The following RYR3 variants were observed in gnomAD, a reference collection of about 807,000 sequenced individuals.
RYR3 encodes brain ryanodine receptor-calcium release channel.
A neutral mutation model predicts 584.3 loss-of-function variants in RYR3; 207 were observed. The ratio of observed to expected loss-of-function variants is 0.35; its 90% CI spans 0.32 to 0.40. The LOEUF is 0.40. Ranked by LOEUF, RYR3 falls within the 10% of genes least tolerant of loss-of-function variation. The pLI, the probability that RYR3 is intolerant of heterozygous loss-of-function variation, is 1.00. For missense variants in RYR3, 5,616 were observed against 6,089.2 expected, an observed-to-expected ratio of 0.92 and a Z score of 2.59; for synonymous variants, 2,416 against 2,248.5, an observed-to-expected ratio of 1.07 and a Z score of -2.11.
At chr15:33,572,688 C>CACACACACAT (rs368204203) in intron 12 of RYR3, among the ~76,000 whole-genome samples, 5,495 of 130,940 alleles carry the variant, frequency 0.042, 191 homozygotes, top group African/African-American at 0.081. Context: ...CACACACACA[C>CACACACACAT]ACTGGGCTGG....
Position 33,539,474 on chromosome 15 carries a change from A to G in RYR3, c.546+12A>G. 6.7e-7 allele frequency: 1 copy of G among 1,499,470 alleles called. No homozygotes were observed. Among genetic ancestry groups the G allele is most frequent in the Non-Finnish European group, 9.2e-7 (1 of 1,090,820 alleles). The allele number at this position is 1,499,470 out of a possible 1,614,324, so 92.9% of individuals were successfully genotyped here. The stretch of plus-strand genomic sequence containing the variant: ...CTGAAAGATACCTTGTAAGTACCTC[A>G]TAATATAAGAGTCTTCTGTTTTCAG... On this transcript the variant is annotated intron_variant, in intron 6 of 103. Transcript: ENST00000634891.
At chr15:33,789,654 A>ATT (rs2075003968) in intron 67 of RYR3, among the ~76,000 whole-genome samples, 1 of 22,540 alleles carries the variant, frequency 4.4e-5, no homozygotes, top group African/African-American at 1.7e-4. Flanking sequence ...ATATATATAT[A>ATT]TATATTTTTT....
intron 3 of RYR3, among the ~76,000 whole-genome samples, chr15:33,510,278 C>G (rs1204755032): frequency 2.0e-5 from 3 of 152,152 alleles, no homozygotes; most frequent in Non-Finnish European, 4.4e-5. Context: ...CTTTAGGTTC[C>G]CCACCTCTAC....
intron 3 of RYR3, among the ~76,000 whole-genome samples, chr15:33,506,492 C>T (rs1174181638): frequency 6.6e-6 from 1 of 151,978 alleles, no homozygotes; most frequent in Non-Finnish European, 1.5e-5. Flanking sequence ...TCTATTTTTG[C>T]CAAAGAGAAG....
rs2278310 is a variant in RYR3 at position 33,750,094 on chromosome 15, G to A, written c.8275+40G>A. ...CAGCATCCCCTAAAGAAGCTGAACCGGGGCAGCTATGGTCTCCCAGAAGTG... is the reference window on the plus strand; with the variant it reads ...CAGCATCCCCTAAAGAAGCTGAACCAGGGCAGCTATGGTCTCCCAGAAGTG... On this transcript the variant is annotated intron_variant, in intron 56 of 103. Transcript: ENST00000634891. 23,513 of 1,607,192 alleles carry A rather than the reference G, an allele frequency of 0.015. 1,505 individuals carry two copies. The East Asian group carries it at 0.21, about 15-fold the overall frequency.
intron 1 of RYR3, among the ~76,000 whole-genome samples, chr15:33,374,404 A>T (rs2040574150): frequency 6.7e-6 from 1 of 148,368 alleles, no homozygotes; most frequent in Non-Finnish European, 1.5e-5. Context: ...GTGTGTATAT[A>T]TATCTCCACC....
chr15:33,853,543 C>A lies in RYR3; in HGVS notation c.13672-12C>A. On this transcript the variant is annotated splice_polypyrimidine_tract_variant and intron_variant, in intron 95 of 103. Coordinates refer to ENST00000634891, the MANE Select transcript of RYR3 (RefSeq NM_001036.6). ...GTGTGGCCTGAGCTCACCCTGTCATCCTTTGCTTCAGGTGATCAACAAGTA... is the reference window on the plus strand; with the variant it reads ...GTGTGGCCTGAGCTCACCCTGTCATACTTTGCTTCAGGTGATCAACAAGTA... The A allele has an allele frequency of 1.2e-6, 2 of 1,612,760 alleles. No individual in the cohort carries two copies. The highest frequency in any genetic ancestry group is 1.7e-6 in the Non-Finnish European group (2 of 1,179,076).
rs372371489 is a variant in RYR3, at chr15:33,550,594, C to T, written c.972+278C>T. Among the ~76,000 whole-genome samples the T allele has an allele frequency of 3.9e-3, 597 of 152,238 alleles. 5 individuals are homozygous for T. The highest frequency in any genetic ancestry group is 0.014 in the African/African-American group (565 of 41,548). ...ATGGACAGTGTTGCTCAAAGGCTAACGGAAACTATTGTTGTTGTTTAATGC... is the reference window on the plus strand; with the variant it reads ...ATGGACAGTGTTGCTCAAAGGCTAATGGAAACTATTGTTGTTGTTTAATGC... On this transcript the variant is annotated intron_variant, in intron 10 of 103. Transcript: ENST00000634891.
chr15:33,544,648 A>C (rs2056100944), intron 8 of RYR3, among the ~76,000 whole-genome samples: 1 of 152,136 alleles, frequency 6.6e-6, no homozygotes, highest in Non-Finnish European at 1.5e-5. Context: ...CGCAGAAGCA[A>C]TGTGCTTGAA....
intron 10 of RYR3, among the ~76,000 whole-genome samples, chr15:33,554,315 G>A (rs1291492400): frequency 1.8e-5 from 2 of 109,136 alleles, no homozygotes; most frequent in Admixed American, 2.0e-4. Flanking sequence ...TTTTTTTTGA[G>A]GTGGAGTCTC....
chr15:33,499,397 T>C (rs1282766125), intron 2 of RYR3, among the ~76,000 whole-genome samples: 2 of 152,096 alleles, frequency 1.3e-5, no homozygotes, highest in African/African-American at 2.4e-5. Flanking sequence ...CCTCACATGT[T>C]TTCTTACCTC....
At chr15:33,590,443 C>T (rs1414355331) in intron 16 of RYR3, among the ~76,000 whole-genome samples, 1 of 152,072 alleles carries the variant, frequency 6.6e-6, no homozygotes, top group Non-Finnish European at 1.5e-5. Flanking sequence ...CTGTGAATGA[C>T]ACTGGTATTT....
chr15:33,842,090 G>A, intron 91 of RYR3, 55 bp downstream of exon 91: 1 of 1,539,548 alleles, frequency 6.5e-7, no homozygotes, highest in Non-Finnish European at 8.8e-7. Flanking sequence ...CCAGGCAGAT[G>A]GCAGAGAGGT....
intron 1 of RYR3, among the ~76,000 whole-genome samples, chr15:33,452,627 A>G (rs1286552711): frequency 6.6e-6 from 1 of 152,106 alleles, no homozygotes; most frequent in Non-Finnish European, 1.5e-5. Flanking sequence ...ATATTTACTA[A>G]CTCATTTAAT....
At chr15:33,751,581 T>G (rs1470180708) in intron 57 of RYR3, among the ~76,000 whole-genome samples, 1 of 74,828 alleles carries the variant, frequency 1.3e-5, no homozygotes, top group Non-Finnish European at 2.5e-5. Context: ...TTGATGAGGT[T>G]TTTTTTTTTT....
intron 69 of RYR3, among the ~76,000 whole-genome samples, chr15:33,805,874 G>A (rs556017937): frequency 3.3e-5 from 5 of 151,856 alleles, no homozygotes; most frequent in South Asian, 2.1e-4. Context: ...ATGTGCACAC[G>A]GGAACGCACA....
chr15:33,442,963 A>C (rs1471015227), intron 1 of RYR3, among the ~76,000 whole-genome samples: 1 of 152,174 alleles, frequency 6.6e-6, no homozygotes, highest in Non-Finnish European at 1.5e-5. Context: ...GGGAATTACA[A>C]ACTTCATAAA....
intron 3 of RYR3, among the ~76,000 whole-genome samples, chr15:33,529,830 T>C (rs1409459839): frequency 6.6e-6 from 1 of 152,208 alleles, no homozygotes; most frequent in Non-Finnish European, 1.5e-5. Flanking sequence ...TCTCCTATCA[T>C]GTACCATTCA....
At chr15:33,827,025 G>T (rs1375867469) in intron 84 of RYR3, among the ~76,000 whole-genome samples, 174 bp from the exon 85 acceptor site, 1 of 152,208 alleles carries the variant, frequency 6.6e-6, no homozygotes, top group Non-Finnish European at 1.5e-5. Flanking sequence ...GGTGTCCGCA[G>T]GTTGGGGGGG....
Sources: gnomAD v4.1 joint callset for allele counts (sites outside exome capture counted in the v4.1 genomes callset) on GRCh38, gnomAD v4.1.1 for gene constraint, MANE v1.5 for transcripts, NCBI Gene and HGNC (gene_info 2026-07-23, HGNC 2026-07-21) for gene names.